Variants in TLN2 observed in about 807,000 individuals in gnomAD.
The protein encoded by TLN2 is talin-2.
TLN2 carries 118 observed loss-of-function variants against 294.7 expected under a neutral mutation model. The observed-to-expected ratio is 0.40, with a 90% CI of 0.34 to 0.47. The LOEUF is 0.47. TLN2 is among the 20% of genes least tolerant of loss of function. TLN2 has a pLI of 0.84. For synonymous variants in TLN2, 1,431 were observed against 1,304.5 expected (o/e 1.10, Z -2.09); for missense variants, 3,083 against 3,282.2 (o/e 0.94, Z 1.48).
chr15:62,807,037 T>C (rs1380959668), intron 51 of TLN2, among the ~76,000 whole-genome samples: 1 of 151,778 alleles, frequency 6.6e-6, no homozygotes, highest in Non-Finnish European at 1.5e-5. Flanking sequence ...CTGGGTGTGA[T>C]GAAGGGTGGA....
At chr15:62,482,908 TC>T (rs2038187349) in intron 1 of TLN2, among the ~76,000 whole-genome samples, 1 of 152,172 alleles carries the variant, frequency 6.6e-6, no homozygotes, top group South Asian at 2.1e-4. Flanking sequence ...TCTGCATCCC[TC>T]CTGTTCTTGT....
At chr15:62,802,411 T>TACACACACACACACAC (rs60573464) in intron 50 of TLN2, among the ~76,000 whole-genome samples, 1 of 149,730 alleles carries the variant, frequency 6.7e-6, no homozygotes, top group Non-Finnish European at 1.5e-5. Flanking sequence ...TATACAATGG[T>TACACACACACACACAC]ACACACACAC....
At chr15:62,655,868 C>G in intron 7 of TLN2, 76 bp from the exon 8 acceptor site, 1 of 1,537,682 alleles carries the variant, frequency 6.5e-7, no homozygotes, top group South Asian at 1.2e-5. Context: ...CTGCATCACA[C>G]TGCTCTTTTG....
chr15:62,397,584 A>G (rs749143805), intron 1 of TLN2, among the ~76,000 whole-genome samples: 1 of 152,084 alleles, frequency 6.6e-6, no homozygotes, highest in Non-Finnish European at 1.5e-5. Flanking sequence ...AAAAGTACAT[A>G]CTGTGTGACT....
At chr15:62,654,413 C>A (rs1439020802) in intron 7 of TLN2, among the ~76,000 whole-genome samples, 2 of 152,028 alleles carry the variant, frequency 1.3e-5, no homozygotes, top group Non-Finnish European at 2.9e-5. Context: ...GTTTAACATC[C>A]ATCAATGACC....
At chr15:62,806,358 G>A (rs1198626757) in intron 51 of TLN2, among the ~76,000 whole-genome samples, 1 of 152,198 alleles carries the variant, frequency 6.6e-6, no homozygotes, top group Non-Finnish European at 1.5e-5. Context: ...TTCTTGCAGA[G>A]TGTGGTGGAG....
At chr15:62,480,345 C>T (rs540871651) in intron 1 of TLN2, among the ~76,000 whole-genome samples, 1 of 152,248 alleles carries the variant, frequency 6.6e-6, no homozygotes, top group East Asian at 1.9e-4. Context: ...TCCCGAGTAG[C>T]TGGGAGTATA....
chr15:62,676,224 C>T (rs1052055851), intron 11 of TLN2, among the ~76,000 whole-genome samples: 1 of 152,200 alleles, frequency 6.6e-6, no homozygotes, highest in African/African-American at 2.4e-5. Context: ...CTTGACCCCA[C>T]TCCTCATCGG....
At chr15:62,412,810 T>C (rs1191931851) in intron 1 of TLN2, among the ~76,000 whole-genome samples, 1 of 152,240 alleles carries the variant, frequency 6.6e-6, no homozygotes. Context: ...ACTTGCCAAA[T>C]GGCTTGAAAT....
At chr15:62,533,636 TAAAG>T (rs759070888) in intron 1 of TLN2, among the ~76,000 whole-genome samples, 53 of 152,330 alleles carry the variant, frequency 3.5e-4, no homozygotes, top group African/African-American at 1.1e-3. Flanking sequence ...ATGGGTTACT[TAAAG>T]AAGTGAAATT....
chr15:62,653,294 A>G lies in TLN2; in HGVS notation c.497A>G (p.Lys166Arg). 1 of 1,613,484 alleles carries G rather than the reference A, an allele frequency of 6.2e-7. No homozygotes were observed. Among genetic ancestry groups the G allele is most frequent in the Non-Finnish European group, 8.5e-7 (1 of 1,179,810 alleles). The change falls in exon 7 of 59, where the codon AAG (lysine) becomes AGG (arginine). Residue 166 changes from lysine to arginine, a missense_variant. Transcript: ENST00000636159. ...DERKMEKLKA[K>R]LHTDDDLNWL... ...AGGAAAATGGAGAAGTTGAAGGCCAAGCTGCACACAGATGATGACCGTAAG... is the reference window on the plus strand; with the variant it reads ...AGGAAAATGGAGAAGTTGAAGGCCAGGCTGCACACAGATGATGACCGTAAG...
chr15:62,752,993 A>C (rs2062020334), intron 35 of TLN2, among the ~76,000 whole-genome samples: 1 of 152,180 alleles, frequency 6.6e-6, no homozygotes, highest in African/African-American at 2.4e-5. Context: ...GATTTTACTG[A>C]ACCACAGAGA....
chr15:62,675,640 C>G (rs1489581194), intron 11 of TLN2, among the ~76,000 whole-genome samples: 1 of 152,180 alleles, frequency 6.6e-6, no homozygotes, highest in African/African-American at 2.4e-5. Context: ...TCATTTATGA[C>G]TGTCAAGAGT....
intron 38 of TLN2, 65 bp downstream of exon 38, chr15:62,761,886 G>C: frequency 1.3e-6 from 2 of 1,599,774 alleles, no homozygotes; most frequent in African/African-American, 2.7e-5. Flanking sequence ...CACCAAATGA[G>C]TTACTAGTTA....
At chr15:62,576,495 C>T (rs146642782) in intron 1 of TLN2, among the ~76,000 whole-genome samples, 2 of 151,746 alleles carry the variant, frequency 1.3e-5, no homozygotes, top group African/African-American at 2.4e-5. Context: ...GGTAGACTGG[C>T]CATCTCATCC....
At chr15:62,663,584 A>G (rs1258295890) in intron 9 of TLN2, among the ~76,000 whole-genome samples, 2 of 141,082 alleles carry the variant, frequency 1.4e-5, no homozygotes, top group Non-Finnish European at 3.2e-5. Context: ...TGGTCTTTAG[A>G]AAAAAAAAAA....
At chr15:62,610,235 C>T (rs565157369) in intron 2 of TLN2, among the ~76,000 whole-genome samples, 6 of 152,322 alleles carry the variant, frequency 3.9e-5, no homozygotes, top group African/African-American at 1.4e-4. Context: ...TTGTTATTTA[C>T]AGTAATTATT....
At chr15:62,744,923 T>TCCTCCTTTCCCAGGCGCCTCTTC (rs542765716) in intron 32 of TLN2, among the ~76,000 whole-genome samples, 1,562 of 152,232 alleles carry the variant, frequency 0.01, 20 homozygotes, top group African/African-American at 0.034. Flanking sequence ...ATTTGCTCTT[T>TCCTCCTTTCCCAGGCGCCTCTTC]CCTCCTTTCC....
chr15:62,800,779 C>A lies in TLN2; in HGVS notation c.6477+10C>A. 6.2e-7 allele frequency: 1 copy of A among 1,603,836 alleles called. No homozygotes were observed. Among genetic ancestry groups the A allele is most frequent in the Non-Finnish European group, 8.5e-7 (1 of 1,174,246 alleles). ...AAAGCAGGAGCTTACGGTAAGGAGC[C>A]AGCAGTTACCTCCCTTGGGTACCAG... On this transcript the variant is annotated intron_variant, in intron 50 of 58. Transcript: ENST00000636159.
Sources: allele counts gnomAD v4.1 joint callset (sites outside exome capture counted in the v4.1 genomes callset), GRCh38; gene constraint gnomAD v4.1.1; transcripts MANE v1.5; gene names NCBI Gene and HGNC (gene_info 2026-07-23, HGNC 2026-07-21).